CXADR: variants seen among roughly 807,000 people sequenced by gnomAD.
CXADR encodes coxsackievirus and adenovirus receptor.
In CXADR, 20 loss-of-function variants were observed where a neutral mutation model predicts 40.3. That is an observed-to-expected ratio of 0.50 (90% confidence interval 0.35 to 0.72). The LOEUF (loss-of-function observed/expected upper bound fraction) is 0.72, where lower values mean the gene tolerates loss of function less well. CXADR is among the 30% of genes least tolerant of loss of function. The pLI is 0.01. For missense variants in CXADR, 332 were observed against 449.1 expected, an observed-to-expected ratio of 0.74 and a Z score of 2.36; for synonymous variants, 150 against 161.3, an observed-to-expected ratio of 0.93 and a Z score of 0.53.
At chr21:17,591,668 T>C (rs1419023296) in intron 7 of CXADR, among the ~76,000 whole-genome samples, 1 of 151,898 alleles carries the variant, frequency 6.6e-6, no homozygotes, top group African/African-American at 2.4e-5. Context: ...TGCCTACAAA[T>C]ACAAAAATAA....
Position 17,567,831 on chromosome 21 carries a change from T to C in CXADR, c.*2139T>C, listed in dbSNP as rs924302715. On this transcript the variant is annotated 3_prime_UTR_variant, in exon 7 of 7. Coordinates refer to ENST00000284878, the MANE Select transcript of CXADR (RefSeq NM_001338.5). ...CTATTGATCTAAGTAGAAGTTATCA[T>C]AGAAAGTGGACACGTATAAGACTTT... The C allele has an allele frequency of 3.1e-6, 3 of 962,832 alleles. No individual in the cohort carries two copies. Among genetic ancestry groups the C allele is most frequent in the African/African-American group, 3.5e-5 (2 of 56,888 alleles). 59.6% of individuals were successfully genotyped at this position (962,832 alleles called of 1,614,324 possible). A position where few individuals can be genotyped will look rare whatever the true frequency, so the allele number is the denominator to read the frequency against.
rs2061217588 is a variant in CXADR, at chr21:17,566,968, AGAAAAAAAG to A, written c.*1277_*1285del. On this transcript the variant is annotated 3_prime_UTR_variant, in exon 7 of 7. Transcript: ENST00000284878. ...TCTTAAAAAAAAAAAAGAAAGAAAA[AGAAAAAAAG>A]ATAAGAAGGAGGAGTAAAGGGACTA... is the stretch of plus-strand genomic sequence containing the variant. 1.0e-6 allele frequency: 1 copy of A among 978,442 alleles called. No homozygotes were observed. The highest frequency in any genetic ancestry group is 1.2e-6 in the Non-Finnish European group (1 of 823,982). The allele number at this position is 978,442 out of a possible 1,614,324, so 60.6% of individuals were successfully genotyped here. A position where few individuals can be genotyped will look rare whatever the true frequency, so the allele number is the denominator to read the frequency against.
Position 17,563,107 on chromosome 21 carries a change from T to A in CXADR, c.833+1631T>A, listed in dbSNP as rs542839995. Among the ~76,000 whole-genome samples the A allele has an allele frequency of 1.5e-4, 23 of 152,324 alleles. 1 individual carries two copies. The South Asian group carries it at 2.9e-3, about 19-fold the overall frequency. On this transcript the variant is annotated intron_variant, in intron 6 of 6. Transcript: ENST00000284878. ...TTTGGTTTGGCTGTTTGGTGCAAGA[T>A]ACTAGCTTTCAACCAGTGTTGGTTT...
intron 1 of CXADR, among the ~76,000 whole-genome samples, chr21:17,537,105 T>C (rs562251955): frequency 1.6e-4 from 24 of 152,252 alleles, no homozygotes; most frequent in Middle Eastern, 3.4e-3. Context: ...GGGGACAAGG[T>C]GGAGCAAGAG....
the CXADR span, among the ~76,000 whole-genome samples, chr21:17,599,837 G>C: frequency 6.6e-6 from 1 of 152,098 alleles, no homozygotes; most frequent in Non-Finnish European, 1.5e-5. Flanking sequence ...AGATCAACTA[G>C]AAATTTCCTA....
chr21:17,602,157 C>T, the CXADR span, among the ~76,000 whole-genome samples: 1 of 150,292 alleles, frequency 6.7e-6, no homozygotes, highest in Non-Finnish European at 1.5e-5. Context: ...GCAGAAATCA[C>T]CAAAAAAAAA....
the CXADR span, among the ~76,000 whole-genome samples, chr21:17,601,737 G>A: frequency 1.3e-5 from 2 of 152,110 alleles, no homozygotes; most frequent in African/African-American, 4.8e-5. Context: ...CAATGACTTA[G>A]GCCTATCTTC....
the CXADR span, chr21:17,604,740 G>A: frequency 1.6e-6 from 2 of 1,226,740 alleles, no homozygotes; most frequent in South Asian, 3.9e-5. Context: ...ATTTACATCT[G>A]AGAGAGTTAA....
the CXADR span, among the ~76,000 whole-genome samples, chr21:17,630,935 C>T: frequency 1.3e-5 from 2 of 151,792 alleles, no homozygotes; most frequent in Non-Finnish European, 2.9e-5. Flanking sequence ...CGCAGGGTGT[C>T]GAACAAGAAG....
At chr21:17,633,905 C>A in the CXADR span, among the ~76,000 whole-genome samples, 1 of 152,160 alleles carries the variant, frequency 6.6e-6, no homozygotes, top group East Asian at 1.9e-4. Context: ...CTCCCATGTG[C>A]TTGTACATTT....
chr21:17,540,604 C>T (rs1052657092), intron 1 of CXADR, among the ~76,000 whole-genome samples: 7 of 152,174 alleles, frequency 4.6e-5, no homozygotes, highest in African/African-American at 1.7e-4. Flanking sequence ...GAATTTCTTA[C>T]TCTGATTTTC....
At chr21:17,559,623 G>A (rs909530096) in intron 4 of CXADR, among the ~76,000 whole-genome samples, 1 of 146,104 alleles carries the variant, frequency 6.8e-6, no homozygotes, top group African/African-American at 2.5e-5. Context: ...GCTATTCTAT[G>A]ATTTCATTTT....
the CXADR span, among the ~76,000 whole-genome samples, chr21:17,619,591 T>C: frequency 1.5e-3 from 173 of 113,954 alleles, no homozygotes; most frequent in African/African-American, 7.3e-3. Context: ...AGCAAGGCTC[T>C]GTTTCAAAAA....
chr21:17,572,780 A>G (rs1375807190), downstream of CXADR, among the ~76,000 whole-genome samples: 1 of 152,020 alleles, frequency 6.6e-6, no homozygotes, highest in Non-Finnish European at 1.5e-5. Flanking sequence ...CCTGCTTAAA[A>G]TTTGTTGTTT....
chr21:17,631,258 A>G, the CXADR span, among the ~76,000 whole-genome samples: 4 of 152,232 alleles, frequency 2.6e-5, no homozygotes, highest in Non-Finnish European at 5.9e-5. Context: ...AAATAGGTTC[A>G]TGTAGTTTTA....
chr21:17,537,892 A>AT (rs144975452), intron 1 of CXADR, among the ~76,000 whole-genome samples: 3,068 of 152,250 alleles, frequency 0.02, 45 homozygotes, highest in Non-Finnish European at 0.033. Flanking sequence ...TGATGAAAGC[A>AT]TTGTTAGTGC....
Position 17,541,933 on chromosome 21 carries a change from G to C in CXADR, c.44-5094G>C, listed in dbSNP as rs868437247. Reference sequence around the variant, plus strand: ...TTTTCCTCTGTAATGAAAGTGTTTTGTGGGAAGATACTTTGACATTATGTA... The same window carrying C: ...TTTTCCTCTGTAATGAAAGTGTTTTCTGGGAAGATACTTTGACATTATGTA... On this transcript the variant is annotated intron_variant, in intron 1 of 6. Coordinates refer to ENST00000284878, the MANE Select transcript of CXADR (RefSeq NM_001338.5). The C allele has an allele frequency of 4.6e-5, 12 of 261,796 alleles. 1 individual carries two copies. The Middle Eastern group carries it at 3.5e-3, about 76-fold the overall frequency. 16.2% of individuals were successfully genotyped at this position (261,796 alleles called of 1,614,324 possible).
intron 7 of CXADR, among the ~76,000 whole-genome samples, chr21:17,575,564 C>T (rs1404173344): frequency 6.7e-6 from 1 of 149,824 alleles, no homozygotes; most frequent in African/African-American, 2.5e-5. Context: ...GATCTCTGCT[C>T]ACTGCAAGCT....
intron 1 of CXADR, among the ~76,000 whole-genome samples, chr21:17,515,991 A>T (rs1018496278): frequency 3.9e-5 from 6 of 152,164 alleles, no homozygotes; most frequent in African/African-American, 1.4e-4. Flanking sequence ...CTTTCGATGC[A>T]TTTTTATTGG....
Sources: gnomAD v4.1 joint callset for allele counts (sites outside exome capture counted in the v4.1 genomes callset) on GRCh38, gnomAD v4.1.1 for gene constraint, MANE v1.5 for transcripts, NCBI Gene and HGNC (gene_info 2026-07-23, HGNC 2026-07-21) for gene names.